The following SLC25A27 variants were observed in gnomAD, a reference collection of about 807,000 sequenced individuals.
SLC25A27 encodes mitochondrial uncoupling protein 4.
A neutral mutation model predicts 49.1 loss-of-function variants in SLC25A27; 35 were observed. The observed-to-expected ratio is 0.71, with a 90% CI of 0.54 to 0.95. The LOEUF (loss-of-function observed/expected upper bound fraction) is 0.95. Ranked by LOEUF, SLC25A27 falls within the 40% of genes least tolerant of loss-of-function variation. The pLI, the probability that SLC25A27 is intolerant of heterozygous loss-of-function variation, is 0.00. For synonymous variants in SLC25A27, 144 were observed against 136.9 expected (o/e 1.05, Z -0.36); for missense variants, 339 against 397.1 (o/e 0.85, Z 1.24).
chr6:46,676,596 AT>A lies in SLC25A27; in HGVS notation c.*149del, dbSNP rs1283446493. ...ACTGATTTATAGGGGGCAGCACTTT[AT>A]TTTTTTCTGGAAACCCAAGTTCTCT... On this transcript the variant is annotated 3_prime_UTR_variant, in exon 9 of 9. Coordinates refer to ENST00000371347, the MANE Select transcript of SLC25A27 (RefSeq NM_004277.5). The A allele has an allele frequency of 1.3e-6, 2 of 1,558,288 alleles. No individual in the cohort carries two copies. The highest frequency in any genetic ancestry group is 1.7e-6 in the Non-Finnish European group (2 of 1,150,288).
At chr6:46,655,389 C>T (rs1264375646) in intron 1 of SLC25A27, among the ~76,000 whole-genome samples, 1 of 152,070 alleles carries the variant, frequency 6.6e-6, no homozygotes, top group Non-Finnish European at 1.5e-5. Flanking sequence ...ATAATCATGG[C>T]TGCAGTCAAG....
chr6:46,672,427 G>A (rs540180314), intron 8 of SLC25A27, among the ~76,000 whole-genome samples: 5 of 152,236 alleles, frequency 3.3e-5, no homozygotes, highest in South Asian at 2.1e-4. Flanking sequence ...TCTGCCTGTC[G>A]TGTGGATTGG....
intron 6 of SLC25A27, 37 bp downstream of exon 6, chr6:46,668,830 T>C (rs1582510632): frequency 2.5e-6 from 3 of 1,219,788 alleles, no homozygotes; most frequent in Admixed American, 1.8e-5. Context: ...TTTTTTTTTT[T>C]TGTATCACTT....
chr6:46,659,285 TA>T (rs1763085239), intron 3 of SLC25A27, among the ~76,000 whole-genome samples: 2 of 152,218 alleles, frequency 1.3e-5, no homozygotes, highest in African/African-American at 4.8e-5. Context: ...AGAATTCTTA[TA>T]GAGTACCTTT....
In SLC25A27 at chr6:46,676,693, C is replaced by A. The variant is rs1261953741; in HGVS notation, c.*239C>A. On this transcript the variant is annotated 3_prime_UTR_variant, in exon 9 of 9. Coordinates refer to ENST00000371347, the MANE Select transcript of SLC25A27 (RefSeq NM_004277.5). ...GGCCATCCAATGAGACCCCGCACAG[C>A]ATTTTCTAAAGAAGAATCGAAGCCT... 3 of 1,550,228 alleles carry A rather than the reference C, an allele frequency of 1.9e-6. No individual in the cohort carries two copies. The highest frequency in any genetic ancestry group is 8.7e-7 in the Non-Finnish European group (1 of 1,146,668).
chr6:46,662,363 CT>C lies in SLC25A27; in HGVS notation c.384-11del, dbSNP rs749393987. The stretch of plus-strand genomic sequence containing the variant: ...TAATGGCAACTTTAAAAAGAATTTC[CT>C]TCTGCAATTAGGAAATCAGTCATTG... On this transcript the variant is annotated splice_polypyrimidine_tract_variant and intron_variant, in intron 3 of 8. Transcript: ENST00000371347. 4.3e-6 allele frequency: 7 copies of C among 1,611,622 alleles called. No homozygotes were observed. In the African/African-American group the frequency reaches 6.7e-5, roughly 15 times the overall value.
Position 46,664,795 on chromosome 6 carries a change from A to G in SLC25A27, c.528A>G (p.Ala176=). 1 of 1,605,834 alleles carries G rather than the reference A, an allele frequency of 6.2e-7. No individual in the cohort carries two copies. Among genetic ancestry groups the G allele is most frequent in the Non-Finnish European group, 8.5e-7 (1 of 1,175,372 alleles). The change falls in exon 5 of 9, where the codon GCA becomes GCG. Residue 176 remains alanine (A), a synonymous_variant. Coordinates refer to ENST00000371347, the MANE Select transcript of SLC25A27 (RefSeq NM_004277.5). The stretch of plus-strand genomic sequence containing the variant: ...TTAGATTTCGTGGTGTACATCATGC[A>G]TTTGCAAAAATCTTAGCTGAAGGAG... ...KPLRFRGVHH[A]FAKILAEGGI...
intron 2 of SLC25A27, chr6:46,658,715 A>T (rs1449149933): frequency 2.0e-6 from 1 of 509,564 alleles, no homozygotes; most frequent in Non-Finnish European, 3.5e-6. Flanking sequence ...ATGTTAGTAA[A>T]GCAGAGAAGG....
intron 2 of SLC25A27, chr6:46,658,588 C>T (rs1282629653): frequency 7.6e-6 from 3 of 394,122 alleles, no homozygotes; most frequent in Non-Finnish European, 1.5e-5. Context: ...CCTGGAGAAG[C>T]TCATGGTCTG....
At chr6:46,670,775 C>A (rs560857768) in intron 7 of SLC25A27, among the ~76,000 whole-genome samples, 1 of 152,188 alleles carries the variant, frequency 6.6e-6, no homozygotes, top group Admixed American at 6.5e-5. Flanking sequence ...CTCACTCTGT[C>A]TCTCAGGCTG....
intron 1 of SLC25A27, chr6:46,653,521 C>T (rs1762846074): frequency 1.0e-6 from 1 of 985,342 alleles, no homozygotes; most frequent in African/African-American, 1.7e-5. Flanking sequence ...TTCCCTTAGG[C>T]ATGTGCTGTG....
rs928646761 is a variant in SLC25A27 at position 46,674,810 on chromosome 6, A to G, written c.901-1573A>G. Reference sequence around the variant, plus strand: ...AATTAGAAGGTTACTTTCTTAACACAGATTCAAAACAGGAAGAGCTTATTT... The same window carrying G: ...AATTAGAAGGTTACTTTCTTAACACGGATTCAAAACAGGAAGAGCTTATTT... On this transcript the variant is annotated intron_variant, in intron 8 of 8. Transcript: ENST00000371347. Among the ~76,000 whole-genome samples the G allele has an allele frequency of 3.3e-5, 5 of 152,162 alleles. No homozygotes were observed. The East Asian group carries it at 9.6e-4, about 29-fold the overall frequency.
intron 1 of SLC25A27, chr6:46,653,599 T>A: frequency 1.0e-6 from 1 of 985,478 alleles, no homozygotes; most frequent in Non-Finnish European, 1.2e-6. Flanking sequence ...ATTTTCCTTT[T>A]CATGAGGATG....
chr6:46,664,131 C>T (rs1763250294), intron 4 of SLC25A27, among the ~76,000 whole-genome samples: 1 of 152,130 alleles, frequency 6.6e-6, no homozygotes, highest in South Asian at 2.1e-4. Flanking sequence ...TGGCATGTGA[C>T]TTCAGGTTTT....
Position 46,656,015 on chromosome 6 carries a change from C to T in SLC25A27, c.279C>T (p.Pro93=), listed in dbSNP as rs757649617. The change falls in exon 2 of 9, where the codon CCC becomes CCT. Residue 93 remains proline, a synonymous_variant. Transcript: ENST00000371347. ...GFLKLWQGVT[P]AIYRHVVYSG... is the part of the protein sequence containing the mutation. ...TAAAGCTTTGGCAAGGAGTGACACC[C>T]GCCATTTACAGACACGTAGGTATTT... The T allele has an allele frequency of 6.2e-6, 10 of 1,610,032 alleles. No homozygotes were observed. The highest frequency in any genetic ancestry group is 3.3e-5 in the South Asian group (3 of 89,970).
At chr6:46,668,154 G>A (rs1763383029) in intron 5 of SLC25A27, among the ~76,000 whole-genome samples, 2 of 152,144 alleles carry the variant, frequency 1.3e-5, no homozygotes, top group Non-Finnish European at 2.9e-5. Flanking sequence ...AGACCAGCCT[G>A]GGTAATATAG....
intron 5 of SLC25A27, among the ~76,000 whole-genome samples, chr6:46,666,686 A>C (rs775678707): frequency 5.9e-5 from 9 of 152,190 alleles, no homozygotes; most frequent in South Asian, 4.1e-4. Context: ...TATCTCAAGC[A>C]CATTACTTTG....
chr6:46,672,241 G>A (rs1204641962), intron 8 of SLC25A27, among the ~76,000 whole-genome samples: 1 of 152,172 alleles, frequency 6.6e-6, no homozygotes, highest in Non-Finnish European at 1.5e-5. Flanking sequence ...GACAGTTGGA[G>A]TGGACAGAGA....
chr6:46,656,711 G>T (rs1386159236), intron 2 of SLC25A27, among the ~76,000 whole-genome samples: 1 of 152,116 alleles, frequency 6.6e-6, no homozygotes, highest in Non-Finnish European at 1.5e-5. Flanking sequence ...GAGCCGCCGT[G>T]CCCAGCCAGA....
Sources: allele counts gnomAD v4.1 joint callset (sites outside exome capture counted in the v4.1 genomes callset), GRCh38; gene constraint gnomAD v4.1.1; transcripts MANE v1.5; gene names NCBI Gene and HGNC (gene_info 2026-07-23, HGNC 2026-07-21).